The following DPF3 variants were observed in gnomAD, a reference collection of about 807,000 sequenced individuals.
DPF3 encodes zinc finger protein DPF3.
A neutral mutation model predicts 56.8 loss-of-function variants in DPF3; 18 were observed. The observed-to-expected ratio is 0.32, with a 90% CI of 0.22 to 0.47. DPF3 has a LOEUF of 0.47. Ranked by LOEUF, DPF3 falls within the 20% of genes least tolerant of loss-of-function variation. DPF3 has a pLI of 1.00. For missense variants in DPF3, 403 were observed against 488.8 expected (o/e 0.82, Z 1.65); for synonymous variants, 188 against 180.2 (o/e 1.04, Z -0.35).
At chr14:72,873,051 CA>C (rs1210209975) in intron 1 of DPF3, among the ~76,000 whole-genome samples, 1 of 152,150 alleles carries the variant, frequency 6.6e-6, no homozygotes, top group Non-Finnish European at 1.5e-5. Context: ...GCAATGGCAA[CA>C]AAAGCCAAAA....
At chr14:72,879,794 A>C (rs748611767) in intron 1 of DPF3, 85 of 1,531,244 alleles carry the variant, frequency 5.6e-5, no homozygotes, top group Non-Finnish European at 6.6e-5. Context: ...TCTCACACTG[A>C]GGTTCTTACC....
intron 1 of DPF3, among the ~76,000 whole-genome samples, chr14:72,789,025 A>G (rs1202710431): frequency 6.6e-6 from 1 of 152,220 alleles, no homozygotes; most frequent in African/African-American, 2.4e-5. Context: ...CCCTCCAGTG[A>G]GGCCTCCCTC....
chr14:72,762,550 T>TA lies in DPF3; in HGVS notation c.194-9180dup, dbSNP rs1033109450. Among the ~76,000 whole-genome samples the TA allele has an allele frequency of 5.0e-3, 735 of 147,092 alleles. 3 individuals are homozygous for TA. The highest frequency in any genetic ancestry group is 0.012 in the African/African-American group (495 of 40,376). On this transcript the variant is annotated intron_variant, in intron 2 of 10. Transcript: ENST00000556509. ...CAAAATCAAATATCCATTTGTGATT[T>TA]AAAAAAAAAAACTCTCAAACTAGAA... is the stretch of plus-strand genomic sequence containing the variant.
chr14:72,764,771 G>A (rs568335548), intron 2 of DPF3, among the ~76,000 whole-genome samples: 9 of 152,242 alleles, frequency 5.9e-5, no homozygotes, highest in South Asian at 4.1e-4. Flanking sequence ...GATTACAGGC[G>A]TGAGCCACCG....
chr14:72,627,207 A>G (rs1884884906), intron 9 of DPF3, among the ~76,000 whole-genome samples: 1 of 152,076 alleles, frequency 6.6e-6, no homozygotes, highest in Admixed American at 6.5e-5. Flanking sequence ...TTTGAGTCAC[A>G]GTTTGAAAAC....
intron 1 of DPF3, among the ~76,000 whole-genome samples, chr14:72,885,148 G>A (rs1886493297): frequency 6.7e-6 from 1 of 148,364 alleles, no homozygotes; most frequent in Admixed American, 6.7e-5. Flanking sequence ...CAGGAAGGGG[G>A]ATATGAGGGG....
At chr14:72,892,964 G>T (rs1210028500) in intron 1 of DPF3, among the ~76,000 whole-genome samples, 1 of 71,262 alleles carries the variant, frequency 1.4e-5, no homozygotes, top group Admixed American at 1.3e-4. Flanking sequence ...AGGAAGGAAG[G>T]AAGGAAGGAA....
In DPF3 at chr14:72,618,280, T is replaced by C. The variant is rs1010160304; in HGVS notation, c.*1017A>G. ...ACACTACGTGGAAGGAAGAAATTACTTGGAAAAAGGAATTCAGAGCGTCGC... is the reference window on the plus strand; with the variant it reads ...ACACTACGTGGAAGGAAGAAATTACCTGGAAAAAGGAATTCAGAGCGTCGC... On this transcript the variant is annotated 3_prime_UTR_variant, in exon 11 of 11. Transcript: ENST00000556509. Among the ~76,000 whole-genome samples, 6 of 152,204 alleles carry C rather than the reference T, an allele frequency of 3.9e-5. No individual in the cohort carries two copies. Among genetic ancestry groups the C allele is most frequent in the South Asian group, 2.1e-4 (1 of 4,830 alleles).
intron 6 of DPF3, among the ~76,000 whole-genome samples, chr14:72,710,987 T>C (rs1288500665): frequency 6.6e-6 from 1 of 152,214 alleles, no homozygotes; most frequent in Non-Finnish European, 1.5e-5. Flanking sequence ...GCAAACTCTC[T>C]ATCACCTGCA....
intron 1 of DPF3, among the ~76,000 whole-genome samples, chr14:72,796,672 A>T (rs762163702): frequency 2.9e-4 from 44 of 152,170 alleles, no homozygotes; most frequent in Non-Finnish European, 5.4e-4. Context: ...AATCCTAATA[A>T]CAACTCTATG....
At chr14:72,771,926 A>G (rs759934598) in intron 1 of DPF3, 33 bp from the exon 2 acceptor site, 28 of 1,491,066 alleles carry the variant, frequency 1.9e-5, no homozygotes, top group Non-Finnish European at 2.7e-6. Flanking sequence ...GGGTGAGGCC[A>G]GGGAAGACTG....
intron 8 of DPF3, among the ~76,000 whole-genome samples, chr14:72,658,646 T>C (rs1886121807): frequency 6.6e-6 from 1 of 152,180 alleles, no homozygotes; most frequent in Non-Finnish European, 1.5e-5. Context: ...AGCCATATCT[T>C]GAATCATCCC....
chr14:72,661,575 A>T, intron 8 of DPF3: 1 of 985,564 alleles, frequency 1.0e-6, no homozygotes, highest in Non-Finnish European at 1.2e-6. Flanking sequence ...TTGCTGGGCC[A>T]CAGACACAGC....
chr14:72,685,065 A>G (rs534689940), intron 7 of DPF3, among the ~76,000 whole-genome samples: 1 of 152,340 alleles, frequency 6.6e-6, no homozygotes, highest in Admixed American at 6.5e-5. Context: ...AGTCTCCAGA[A>G]TTGTGAGAAA....
intron 8 of DPF3, among the ~76,000 whole-genome samples, chr14:72,643,644 G>C (rs926938756): frequency 6.6e-6 from 1 of 152,230 alleles, no homozygotes; most frequent in Admixed American, 6.5e-5. Flanking sequence ...TGCCAGGCCA[G>C]CTATTCCCAC....
chr14:72,707,670 C>CTGTGTGTGTGTG (rs573066542), intron 6 of DPF3, among the ~76,000 whole-genome samples: 1 of 135,172 alleles, frequency 7.4e-6, no homozygotes, highest in Non-Finnish European at 1.7e-5. Context: ...TAGTCGTCTT[C>CTGTGTGTGTGTG]TGTGTGCGTG....
intron 1 of DPF3, chr14:72,879,945 G>A (rs953259948): frequency 6.7e-7 from 1 of 1,494,396 alleles, no homozygotes. Flanking sequence ...TTCTTGAAAG[G>A]GCCTGTGATT....
intron 7 of DPF3, among the ~76,000 whole-genome samples, chr14:72,676,403 A>G (rs1444399021): frequency 6.6e-6 from 1 of 152,208 alleles, no homozygotes; most frequent in Admixed American, 6.5e-5. Context: ...ATCTTTAAGC[A>G]ACTAAAGAAT....
chr14:72,774,034 C>T (rs1402938234), intron 1 of DPF3: 1 of 450,940 alleles, frequency 2.2e-6, no homozygotes, highest in Admixed American at 2.4e-5. Flanking sequence ...CCTGTAATCC[C>T]AGCACTTTGG....
Sources: allele counts gnomAD v4.1 joint callset (sites outside exome capture counted in the v4.1 genomes callset), GRCh38; gene constraint gnomAD v4.1.1; transcripts MANE v1.5; gene names NCBI Gene and HGNC (gene_info 2026-07-23, HGNC 2026-07-21).